CTNNA3: variants seen among roughly 807,000 people sequenced by gnomAD.
The protein encoded by CTNNA3 is catenin alpha 3, also known as catenin alpha-3.
Under a neutral mutation model 95.7 loss-of-function variants are expected in CTNNA3, and 76 were observed. That is an observed-to-expected ratio of 0.79 (90% CI 0.66 to 0.96). The LOEUF (loss-of-function observed/expected upper bound fraction) is 0.96. Among genes scored for constraint, CTNNA3 ranks in the 40% least tolerant of loss-of-function variants. The pLI is 0.00. For missense variants in CTNNA3, 1,191 were observed against 1,089.8 expected (o/e 1.09, Z -1.31); for synonymous variants, 431 against 374.4 (o/e 1.15, Z -1.74).
At chr10:66,741,997 G>C (rs1849342117) in intron 9 of CTNNA3, among the ~76,000 whole-genome samples, 1 of 152,008 alleles carries the variant, frequency 6.6e-6, no homozygotes, top group Non-Finnish European at 1.5e-5. Context: ...ATGAAATCTG[G>C]GCACCTTGAA....
At chr10:67,185,561 T>C (rs1424592406) in intron 6 of CTNNA3, among the ~76,000 whole-genome samples, 6 of 152,268 alleles carry the variant, frequency 3.9e-5, no homozygotes, top group African/African-American at 1.2e-4. Context: ...CTTTACCCAG[T>C]AGATATTATT....
At chr10:66,979,806 G>A (rs963332914) in intron 7 of CTNNA3, among the ~76,000 whole-genome samples, 17 of 152,084 alleles carry the variant, frequency 1.1e-4, no homozygotes, top group African/African-American at 4.1e-4. Context: ...TTTATTCTAT[G>A]GAGAAAAGGT....
intron 5 of CTNNA3, among the ~76,000 whole-genome samples, chr10:67,304,924 G>A (rs1441216883): frequency 2.0e-5 from 3 of 151,996 alleles, no homozygotes. Context: ...GAGGATAAGG[G>A]AAGAGGAGGA....
intron 10 of CTNNA3, among the ~76,000 whole-genome samples, chr10:66,601,824 C>T (rs1460027546): frequency 6.6e-6 from 1 of 151,824 alleles, no homozygotes; most frequent in Non-Finnish European, 1.5e-5. Context: ...TTTAACACTA[C>T]CTTTCCCAGA....
chr10:67,306,137 G>A (rs1458810342), intron 5 of CTNNA3, among the ~76,000 whole-genome samples: 1 of 152,100 alleles, frequency 6.6e-6, no homozygotes, highest in Non-Finnish European at 1.5e-5. Flanking sequence ...AAGCTTAACA[G>A]TCAGGGATAG....
intron 11 of CTNNA3, among the ~76,000 whole-genome samples, chr10:66,500,026 C>T (rs1215109896): frequency 6.6e-6 from 1 of 152,020 alleles, no homozygotes; most frequent in Non-Finnish European, 1.5e-5. Flanking sequence ...TTGTCTCAAA[C>T]TCCTGACATC....
At chr10:66,973,023 T>C (rs1439048887) in intron 7 of CTNNA3, among the ~76,000 whole-genome samples, 3 of 152,218 alleles carry the variant, frequency 2.0e-5, no homozygotes, top group African/African-American at 7.2e-5. Context: ...CAGTTTTACA[T>C]CATGTTTACA....
intron 7 of CTNNA3, among the ~76,000 whole-genome samples, chr10:67,111,575 C>T (rs1039184645): frequency 1.3e-5 from 2 of 151,852 alleles, no homozygotes; most frequent in Non-Finnish European, 2.9e-5. Flanking sequence ...TTGTTAAGGA[C>T]AATTGCTAAA....
chr10:67,279,536 G>C (rs1038370125), intron 5 of CTNNA3, among the ~76,000 whole-genome samples: 4 of 150,986 alleles, frequency 2.6e-5, no homozygotes, highest in Admixed American at 6.6e-5. Flanking sequence ...GGGCAGATAG[G>C]GTAATAGTCA....
chr10:67,132,988 T>C (rs993110733), intron 7 of CTNNA3, among the ~76,000 whole-genome samples: 50 of 151,932 alleles, frequency 3.3e-4, no homozygotes, highest in African/African-American at 1.2e-3. Flanking sequence ...AGAAAAAATA[T>C]GTTCTAATAT....
intron 5 of CTNNA3, among the ~76,000 whole-genome samples, chr10:67,461,140 A>G (rs1490735532): frequency 6.6e-6 from 1 of 152,220 alleles, no homozygotes; most frequent in Non-Finnish European, 1.5e-5. Context: ...GCTATGGTCT[A>G]GAAACAAGCA....
At chr10:66,431,053 GA>G (rs201197251) in intron 11 of CTNNA3, among the ~76,000 whole-genome samples, 3,509 of 144,734 alleles carry the variant, frequency 0.024, 129 homozygotes, top group African/African-American at 0.078. Context: ...AAATTTACAA[GA>G]AAAAAAAAAA....
intron 15 of CTNNA3, among the ~76,000 whole-genome samples, chr10:66,005,669 C>T (rs2078863857): frequency 6.6e-6 from 1 of 152,060 alleles, no homozygotes; most frequent in African/African-American, 2.4e-5. Context: ...TGGTGTTACA[C>T]ATTATATAAA....
At chr10:67,496,843 G>C (rs1023142688) in intron 5 of CTNNA3, among the ~76,000 whole-genome samples, 1 of 151,960 alleles carries the variant, frequency 6.6e-6, no homozygotes, top group African/African-American at 2.4e-5. Context: ...AACACTTACT[G>C]TTTTCAGAGA....
chr10:66,673,428 T>A (rs1261602473), intron 9 of CTNNA3, among the ~76,000 whole-genome samples: 1 of 152,132 alleles, frequency 6.6e-6, no homozygotes, highest in African/African-American at 2.4e-5. Context: ...TTCTATGTTA[T>A]GTTTCCAAAC....
At chr10:67,721,262 G>A (rs1841178314) in intron 1 of CTNNA3, among the ~76,000 whole-genome samples, 1 of 152,038 alleles carries the variant, frequency 6.6e-6, no homozygotes, top group Non-Finnish European at 1.5e-5. Context: ...TTTCCAGCTT[G>A]GTTCCATTCT....
intron 9 of CTNNA3, among the ~76,000 whole-genome samples, chr10:66,733,518 A>G (rs1274756629): frequency 6.6e-6 from 1 of 151,816 alleles, no homozygotes; most frequent in Non-Finnish European, 1.5e-5. Flanking sequence ...ATATGTATAC[A>G]CGAACACACA....
chr10:66,831,633 A>T (rs948202982), intron 7 of CTNNA3, among the ~76,000 whole-genome samples: 1 of 152,254 alleles, frequency 6.6e-6, no homozygotes, highest in East Asian at 1.9e-4. Flanking sequence ...TAGACAGTAA[A>T]TCCTCAGCCT....
rs1042160775 is a variant in CTNNA3, at chr10:66,221,593, T to G, written c.1884+58877A>C. Among the ~76,000 whole-genome samples the G allele has an allele frequency of 8.5e-5, 13 of 152,342 alleles. No homozygotes were observed. The East Asian group carries it at 2.5e-3, about 29-fold the overall frequency. On this transcript the variant is annotated intron_variant, in intron 13 of 17. Transcript: ENST00000433211. ...CTCACTTTAAATTCAATACTACTAT[T>G]ACTAAATCTCACTGTGTTACCCATT...
Sources: gnomAD v4.1 joint callset for allele counts (sites outside exome capture counted in the v4.1 genomes callset) on GRCh38, gnomAD v4.1.1 for gene constraint, MANE v1.5 for transcripts, NCBI Gene and HGNC (gene_info 2026-07-23, HGNC 2026-07-21) for gene names.